Variants in CTNNA2 observed in about 807,000 individuals in gnomAD.
The protein encoded by CTNNA2 is catenin alpha-2.
CTNNA2 carries 42 observed loss-of-function variants against 101.0 expected under a neutral mutation model. That is an observed-to-expected ratio of 0.42 (90% CI 0.32 to 0.54). The LOEUF is 0.54. Ranked by LOEUF, CTNNA2 falls within the 20% of genes least tolerant of loss-of-function variation. The pLI is 0.14. For missense variants in CTNNA2, 871 were observed against 1,223.1 expected (o/e 0.71, Z 4.29); for synonymous variants, 450 against 456.4 (o/e 0.99, Z 0.18).
rs559538865 is a variant in CTNNA2 at position 80,229,566 on chromosome 2, C to G, written c.1057-163645C>G. ...TCATGCCCTCTCTAGGTGCACCATC[C>G]TCCCAGCACCTCTAAGTGTTCAGCA... On this transcript the variant is annotated intron_variant, in intron 7 of 18. Coordinates refer to ENST00000402739, the MANE Select transcript of CTNNA2 (RefSeq NM_001282597.3). Among the ~76,000 whole-genome samples the G allele has an allele frequency of 3.3e-5, 5 of 151,790 alleles. No individual in the cohort carries two copies. The South Asian group carries it at 8.3e-4, about 25-fold the overall frequency.
chr2:80,162,858 A>T (rs1021970933), intron 7 of CTNNA2: 18 of 1,595,768 alleles, frequency 1.1e-5, no homozygotes, highest in Non-Finnish European at 1.5e-5. Context: ...TCTCTGAATT[A>T]TCTGTGCTGA....
At chr2:79,444,359 C>T (rs544741310) in intron 4 of CTNNA2, among the ~76,000 whole-genome samples, 1 of 152,152 alleles carries the variant, frequency 6.6e-6, no homozygotes, top group South Asian at 2.1e-4. Context: ...AACCTGGTTA[C>T]ATAGCCACAA....
chr2:80,325,956 G>A (rs1007372), intron 7 of CTNNA2, among the ~76,000 whole-genome samples: 2 of 152,164 alleles, frequency 1.3e-5, no homozygotes, highest in African/African-American at 4.8e-5. Context: ...CCACCCTTGT[G>A]ATTCTCCGTC....
chr2:79,834,361 G>A (rs1679153201), intron 3 of CTNNA2, among the ~76,000 whole-genome samples: 1 of 152,022 alleles, frequency 6.6e-6, no homozygotes, highest in Non-Finnish European at 1.5e-5. Flanking sequence ...ATTCTCTGAA[G>A]TAGTTGTAAC....
chr2:79,392,118 TGTGG>T (rs1212802944), intron 4 of CTNNA2, among the ~76,000 whole-genome samples: 2 of 152,202 alleles, frequency 1.3e-5, no homozygotes, highest in African/African-American at 4.8e-5. Flanking sequence ...ATATGAATTT[TGTGG>T]GGAAACAAGT....
intron 3 of CTNNA2, among the ~76,000 whole-genome samples, chr2:79,341,472 C>T (rs1297426239): frequency 6.6e-6 from 1 of 152,080 alleles, no homozygotes. Context: ...GTTATGCAGA[C>T]CTGGGTTTAA....
intron 2 of CTNNA2, among the ~76,000 whole-genome samples, chr2:79,744,050 C>A (rs1006119598): frequency 6.6e-6 from 1 of 152,086 alleles, no homozygotes; most frequent in African/African-American, 2.4e-5. Context: ...TCCTTGCCAC[C>A]CTGAGGCTGG....
At chr2:79,539,464 C>T (rs183513140) in intron 1 of CTNNA2, among the ~76,000 whole-genome samples, 2 of 152,094 alleles carry the variant, frequency 1.3e-5, no homozygotes, top group South Asian at 2.1e-4. Context: ...TGTATGAGGC[C>T]CTTGGAAGCA....
chr2:80,041,700 C>T (rs575479594), intron 7 of CTNNA2, among the ~76,000 whole-genome samples: 14 of 152,120 alleles, frequency 9.2e-5, no homozygotes, highest in Admixed American at 2.6e-4. Flanking sequence ...ATGGATAATA[C>T]ATAAAACAAA....
intron 7 of CTNNA2, among the ~76,000 whole-genome samples, chr2:80,004,345 G>T (rs1346213928): frequency 6.6e-6 from 1 of 152,136 alleles, no homozygotes; most frequent in African/African-American, 2.4e-5. Flanking sequence ...CTAGAGTAAG[G>T]TTAGTGGAGA....
intron 12 of CTNNA2, among the ~76,000 whole-genome samples, chr2:80,572,305 T>C (rs1313752626): frequency 6.6e-6 from 1 of 152,204 alleles, no homozygotes; most frequent in East Asian, 1.9e-4. Flanking sequence ...GTGAACTGAG[T>C]GTACTAATTC....
intron 7 of CTNNA2, among the ~76,000 whole-genome samples, chr2:79,970,106 T>C (rs758185221): frequency 6.6e-6 from 1 of 152,188 alleles, no homozygotes; most frequent in Non-Finnish European, 1.5e-5. Context: ...TATGCCCTCA[T>C]GAACTAATGC....
At chr2:79,390,114 C>A (rs1054119378) in intron 4 of CTNNA2, among the ~76,000 whole-genome samples, 1 of 152,074 alleles carries the variant, frequency 6.6e-6, no homozygotes, top group African/African-American at 2.4e-5. Context: ...TGACAGGGAC[C>A]CAAGAGAAAG....
At chr2:80,232,091 A>C (rs770532245) in intron 7 of CTNNA2, among the ~76,000 whole-genome samples, 1 of 152,148 alleles carries the variant, frequency 6.6e-6, no homozygotes, top group Non-Finnish European at 1.5e-5. Context: ...CTTTGACTCT[A>C]CCTGTGAACT....
At chr2:80,297,964 C>T (rs1172402042) in intron 7 of CTNNA2, among the ~76,000 whole-genome samples, 1 of 151,356 alleles carries the variant, frequency 6.6e-6, no homozygotes. Context: ...CACCTGCCTG[C>T]GCGTGTATGG....
At chr2:80,505,208 G>C (rs1311290410) in intron 9 of CTNNA2, among the ~76,000 whole-genome samples, 1 of 152,218 alleles carries the variant, frequency 6.6e-6, no homozygotes, top group Non-Finnish European at 1.5e-5. Context: ...CATGAAGTTT[G>C]AATTGGCATC....
intron 4 of CTNNA2, among the ~76,000 whole-genome samples, chr2:79,446,269 C>T (rs537101796): frequency 4.6e-5 from 7 of 151,960 alleles, no homozygotes; most frequent in East Asian, 1.9e-4. Flanking sequence ...AATAAATGTG[C>T]CCTAGAATAA....
chr2:79,206,419 G>A (rs1375718287), intron 2 of CTNNA2, among the ~76,000 whole-genome samples: 1 of 152,144 alleles, frequency 6.6e-6, no homozygotes, highest in Admixed American at 6.5e-5. Flanking sequence ...AAAAGGGCCA[G>A]TCCTCAGCGA....
chr2:79,954,188 C>G (rs532680532), intron 7 of CTNNA2, among the ~76,000 whole-genome samples: 1 of 152,152 alleles, frequency 6.6e-6, no homozygotes, highest in African/African-American at 2.4e-5. Flanking sequence ...TGAGAATTCA[C>G]TCACTATCAT....
Sources: allele counts gnomAD v4.1 joint callset (sites outside exome capture counted in the v4.1 genomes callset), GRCh38; gene constraint gnomAD v4.1.1; transcripts MANE v1.5; gene names NCBI Gene and HGNC (gene_info 2026-07-23, HGNC 2026-07-21).